Variants in ZNF791 observed in about 807,000 individuals in gnomAD.
ZNF791 encodes zinc finger protein 791.
A neutral mutation model predicts 11.5 loss-of-function variants in ZNF791; 4 were observed. The observed-to-expected ratio is 0.35, with a 90% CI of 0.17 to 0.80. The LOEUF is 0.80. ZNF791 is among the 30% of genes least tolerant of loss of function. The pLI is 0.53. For missense variants in ZNF791, 559 were observed against 699.4 expected (o/e 0.80, Z 2.26); for synonymous variants, 212 against 228.1 (o/e 0.93, Z 0.64).
chr19:12,628,580 A>T lies in ZNF791; in HGVS notation c.1051A>T (p.Thr351Ser), dbSNP rs780988500. ...PAFRVHVRVHTGEKPYKCKEC... is the reference protein window; with the variant it reads ...PAFRVHVRVHSGEKPYKCKEC... ...CTTTCGAGTACACGTGAGAGTGCAT[A>T]CTGGAGAGAAACCCTATAAGTGTAA... The change falls in exon 4 of 4, where the codon ACT (threonine) becomes TCT (serine). Residue 351 changes from threonine to serine, a missense_variant. Thr to Ser is a moderately conservative substitution (Grantham distance 58, BLOSUM62 1). Coordinates refer to ENST00000343325, the MANE Select transcript of ZNF791 (RefSeq NM_153358.3). 1.9e-6 allele frequency: 3 copies of T among 1,599,452 alleles called. No homozygotes were observed. The East Asian group carries it at 6.7e-5, about 36-fold the overall frequency.
At chr19:12,626,077 C>T (rs947705346) in intron 3 of ZNF791, among the ~76,000 whole-genome samples, 3 of 152,008 alleles carry the variant, frequency 2.0e-5, no homozygotes, top group Non-Finnish European at 2.9e-5. Flanking sequence ...AGTGCTGTGG[C>T]GCAATCTCGG....
At chr19:12,614,255 A>T (rs2023204603) in intron 1 of ZNF791, among the ~76,000 whole-genome samples, 2 of 151,740 alleles carry the variant, frequency 1.3e-5, no homozygotes, top group African/African-American at 4.8e-5. Flanking sequence ...TTTTTTTGAG[A>T]CCGAGTCTCA....
intron 1 of ZNF791, 123 bp downstream of exon 1, chr19:12,611,205 C>G (rs962692453): frequency 3.0e-5 from 39 of 1,313,454 alleles, no homozygotes; most frequent in East Asian, 2.5e-4. Flanking sequence ...CGTCCTGTCC[C>G]GTCCCTGCGC....
intron 1 of ZNF791, chr19:12,612,283 C>T: frequency 4.1e-6 from 1 of 242,248 alleles, no homozygotes; most frequent in Non-Finnish European, 6.6e-6. Context: ...AAGCGATCCT[C>T]CACCCTCAGC....
intron 1 of ZNF791, among the ~76,000 whole-genome samples, chr19:12,612,632 T>C (rs1055076379): frequency 6.3e-4 from 94 of 149,306 alleles, no homozygotes; most frequent in African/African-American, 2.2e-3. Flanking sequence ...TTTTTTTTTT[T>C]TTAGTAGAGA....
chr19:12,628,153 G>T lies in ZNF791; in HGVS notation c.624G>T (p.Arg208Ser). Residue 208 changes from arginine (R) to serine (S), a missense_variant, in exon 4 of 4, where the codon AGG (arginine) becomes AGT (serine). Arg to Ser is a moderately radical substitution (Grantham distance 110). Transcript: ENST00000343325. ...CCAGTTCGCTTCGAGTTCATGAAAG[G>T]ATTCACACTGGAGAAAAGCCCTATG... ...SCSSSLRVHERIHTGEKPYEC... is the reference protein window; with the variant it reads ...SCSSSLRVHESIHTGEKPYEC... 6.2e-7 allele frequency: 1 copy of T among 1,614,142 alleles called. No homozygotes were observed. The highest frequency in any genetic ancestry group is 1.7e-5 in the Admixed American group (1 of 60,004).
Position 12,610,999 on chromosome 19 carries a change from AC to A in ZNF791, c.-77del, listed in dbSNP as rs2023146928. The A allele has an allele frequency of 7.5e-6, 12 of 1,595,150 alleles. No homozygotes were observed. The highest frequency in any genetic ancestry group is 1.0e-5 in the Non-Finnish European group (12 of 1,163,738). ...GCCCCTTGACGCGTCAGGTTGCTGT[AC>A]CCCTGCATCGGATGCGCTGTACCCT... is the stretch of plus-strand genomic sequence containing the variant. On this transcript the variant is annotated 5_prime_UTR_variant, in exon 1 of 4. It removes the in-frame stop codon of an upstream open reading frame in the 5' UTR. Transcript: ENST00000343325.
chr19:12,623,849 TTTTTTC>T (rs747892903), intron 2 of ZNF791, 23 bp downstream of exon 2: 11,787 of 979,114 alleles, frequency 0.012, 596 homozygotes, highest in Non-Finnish European at 0.014. Context: ...TCATTTTTTC[TTTTTTC>T]TTTTTTTTTT....
chr19:12,624,681 T>G lies in ZNF791; in HGVS notation c.162T>G (p.Asp54Glu). ...GEKWEDPNVEDQHKNQGRNLR... is the reference protein window; with the variant it reads ...GEKWEDPNVEEQHKNQGRNLR... ...AATGGGAAGACCCGAATGTTGAAGATCAACACAAAAACCAAGGACGAAATC... is the reference window on the plus strand; with the variant it reads ...AATGGGAAGACCCGAATGTTGAAGAGCAACACAAAAACCAAGGACGAAATC... The change falls in exon 3 of 4, where the codon GAT becomes GAG. Residue 54 changes from aspartate (D) to glutamate (E), a missense_variant. Physicochemically the swap from Asp to Glu is conservative, Grantham distance 45. Coordinates refer to ENST00000343325, the MANE Select transcript of ZNF791 (RefSeq NM_153358.3). The G allele has an allele frequency of 1.2e-6, 2 of 1,608,546 alleles. No homozygotes were observed. Among genetic ancestry groups the G allele is most frequent in the Non-Finnish European group, 1.7e-6 (2 of 1,177,052 alleles).
At chr19:12,617,760 CTTTTTTTTTTTT>C (rs1019193795) in intron 1 of ZNF791, among the ~76,000 whole-genome samples, 49 of 51,698 alleles carry the variant, frequency 9.5e-4, no homozygotes, top group Non-Finnish European at 1.4e-3. Context: ...TGCTGGAACT[CTTTTTTTTTTTT>C]TTTTTTTTTT....
chr19:12,623,769 C>T lies in ZNF791; in HGVS notation c.73C>T (p.Gln25Ter). The change falls in exon 2 of 4, where the codon CAG becomes TAG. Residue 25 changes from glutamine to a stop codon, truncating the protein, a stop_gained. Transcript: ENST00000343325. LOFTEE classifies it high-confidence loss of function. The part of the protein sequence containing the change: ...QEEWALLAPS[Q>*]KKLYRDVMQE... ...GGAGTGGGCTCTGCTGGCTCCTTCA[C>T]AGAAGAAACTCTACAGAGATGTGAT... 1.2e-6 allele frequency: 2 copies of T among 1,611,754 alleles called. No individual in the cohort carries two copies. The highest frequency in any genetic ancestry group is 1.7e-6 in the Non-Finnish European group (2 of 1,179,198).
At chr19:12,618,036 G>T (rs752568800) in intron 1 of ZNF791, among the ~76,000 whole-genome samples, 1 of 149,888 alleles carries the variant, frequency 6.7e-6, no homozygotes, top group African/African-American at 2.5e-5. Flanking sequence ...TCCTGCCTCA[G>T]CTTCACAGGT....
intron 2 of ZNF791, 29 bp downstream of exon 2, chr19:12,623,855 CTTTTTTTT>C: frequency 2.0e-6 from 1 of 509,418 alleles, no homozygotes. Context: ...TTTCTTTTTT[CTTTTTTTT>C]TTTTTTTGGG....
intron 3 of ZNF791, 83 bp downstream of exon 3, chr19:12,624,793 T>TA: frequency 9.8e-7 from 1 of 1,018,072 alleles, no homozygotes; most frequent in Non-Finnish European, 1.4e-6. Flanking sequence ...CTCACACCTG[T>TA]AATCTCAGCA....
At chr19:12,613,775 A>G (rs564088231) in intron 1 of ZNF791, among the ~76,000 whole-genome samples, 7 of 152,194 alleles carry the variant, frequency 4.6e-5, no homozygotes, top group Non-Finnish European at 8.8e-5. Flanking sequence ...CCAGCTACTC[A>G]TATGCCCACC....
intron 2 of ZNF791, 25 bp from the exon 3 acceptor site, chr19:12,624,625 T>A: frequency 6.5e-7 from 1 of 1,545,510 alleles, no homozygotes; most frequent in Non-Finnish European, 8.8e-7. Flanking sequence ...TAATTTATCA[T>A]GATTATTCTT....
intron 1 of ZNF791, among the ~76,000 whole-genome samples, chr19:12,613,361 C>T (rs1259990735): frequency 6.6e-6 from 1 of 151,974 alleles, no homozygotes; most frequent in Non-Finnish European, 1.5e-5. Flanking sequence ...GAGGGCGGAT[C>T]ACGAGGTCAG....
rs1160286484 is a variant in ZNF791, at chr19:12,628,089, C to T, written c.560C>T (p.Pro187Leu). The T allele has an allele frequency of 1.2e-6, 2 of 1,614,012 alleles. No individual in the cohort carries two copies. The highest frequency in any genetic ancestry group is 3.3e-5 in the Admixed American group (2 of 59,970). ...RHERTHIGEK[P>L]YECKQCGKAL... Reference sequence around the variant, plus strand: ...GAGCGGACTCACATTGGAGAAAAACCCTATGAATGTAAGCAATGTGGAAAA... The same window carrying T: ...GAGCGGACTCACATTGGAGAAAAACTCTATGAATGTAAGCAATGTGGAAAA... The change falls in exon 4 of 4, where the codon CCC becomes CTC. Residue 187 changes from proline (P) to leucine (L), a missense_variant. Coordinates refer to ENST00000343325, the MANE Select transcript of ZNF791 (RefSeq NM_153358.3).
Position 12,629,106 on chromosome 19 carries a change from G to C in ZNF791, c.1577G>C (p.Cys526Ser), listed in dbSNP as rs1454675936. The C allele has an allele frequency of 6.2e-7, 1 of 1,605,420 alleles. No individual in the cohort carries two copies. The change falls in exon 4 of 4, where the codon TGT (cysteine) becomes TCT (serine). Residue 526 changes from cysteine to serine, a missense_variant. Transcript: ENST00000343325. ...CATACTGGAGAGAAACCCTATAAATGTAAAGAATGTGGGAAGGCCTTTAGT... is the reference window on the plus strand; with the variant it reads ...CATACTGGAGAGAAACCCTATAAATCTAAAGAATGTGGGAAGGCCTTTAGT... Reference protein sequence around the residue: ...RMHTGEKPYKCKECGKAFSLH... With the variant: ...RMHTGEKPYKSKECGKAFSLH...
Sources: gnomAD v4.1 joint callset for allele counts (sites outside exome capture counted in the v4.1 genomes callset) on GRCh38, gnomAD v4.1.1 for gene constraint, MANE v1.5 for transcripts, NCBI Gene and HGNC (gene_info 2026-07-23, HGNC 2026-07-21) for gene names.